ZNF141: variants seen among roughly 807,000 people sequenced by gnomAD.
ZNF141 encodes the protein zinc finger protein 141 (clone pHZ-44).
A neutral mutation model predicts 11.3 loss-of-function variants in ZNF141; 7 were observed. The ratio of observed to expected loss-of-function variants is 0.62; its 90% CI spans 0.35 to 1.16. The LOEUF is 1.16. ZNF141 is among the 50% of genes most tolerant of loss of function. The pLI, the probability that ZNF141 is intolerant of heterozygous loss-of-function variation, is 0.02. For synonymous variants in ZNF141, 183 were observed against 190.7 expected (o/e 0.96, Z 0.33); for missense variants, 535 against 554.0 (o/e 0.97, Z 0.34).
At chr4:372,022 C>G (rs1712090376) in intron 3 of ZNF141, among the ~76,000 whole-genome samples, 1 of 152,200 alleles carries the variant, frequency 6.6e-6, no homozygotes, top group East Asian at 1.9e-4. Context: ...ACCTCTCATA[C>G]ATGTTCTAAG....
rs1242492312 is a variant in ZNF141 at position 378,727 on chromosome 4, T to C, written c.*4865T>C. ...GTTTTAGTGGATGCATTTCATGGGC[T>C]ACAGTTTTCATTTTTACTCACCTAA... On this transcript the variant is annotated 3_prime_UTR_variant, in exon 4 of 4. Transcript: ENST00000240499. Among the ~76,000 whole-genome samples the C allele has an allele frequency of 6.6e-6, 1 of 152,080 alleles. No homozygotes were observed. Among genetic ancestry groups the C allele is most frequent in the East Asian group, 1.9e-4 (1 of 5,200 alleles).
intron 1 of ZNF141, 100 bp from the exon 2 acceptor site, chr4:343,682 G>A (rs1316810225): frequency 1.4e-5 from 18 of 1,285,728 alleles, no homozygotes; most frequent in East Asian, 3.0e-5. Flanking sequence ...CCGAGACTGC[G>A]CCGCTGCACT....
intron 3 of ZNF141, chr4:358,183 C>CTTTTT (rs575102486): frequency 1.3e-4 from 38 of 301,850 alleles, no homozygotes; most frequent in East Asian, 2.6e-4. Context: ...GTTTCTCGTT[C>CTTTTT]TTTTTTTTTT....
chr4:367,709 G>T (rs1174619013), intron 3 of ZNF141, among the ~76,000 whole-genome samples: 1 of 151,866 alleles, frequency 6.6e-6, no homozygotes, highest in Non-Finnish European at 1.5e-5. Context: ...TAGAGACGGG[G>T]TTTCACCATA....
Position 349,267 on chromosome 4 carries a change from C to CA in ZNF141, c.226+4850dup, listed in dbSNP as rs549319235. On this transcript the variant is annotated intron_variant, in intron 3 of 3. Transcript: ENST00000240499. ...TGGGCAATAGAGTGAGGCCCTGTCT[C>CA]AAAAAAAAAAAAATCCCAACAAGCA... 7.7e-3 allele frequency among the ~76,000 whole-genome samples: 1,043 copies of CA among 134,596 alleles called. 6 individuals are homozygous for CA. The highest frequency in any genetic ancestry group is 0.021 in the African/African-American group (772 of 36,700). 88.3% of individuals were successfully genotyped at this position (134,596 alleles called of 152,430 possible). A position where few individuals can be genotyped will look rare whatever the true frequency, so the allele number is the denominator to read the frequency against.
intron 3 of ZNF141, chr4:350,390 G>A (rs900331923): frequency 4.2e-5 from 14 of 337,164 alleles, no homozygotes; most frequent in South Asian, 9.1e-5. Context: ...CTTTGTTAGC[G>A]TCTTATTTCA....
At position 373,354 on chromosome 4, in the gene ZNF141, C is replaced by G; in HGVS notation, c.917C>G (p.Thr306Ser). The change falls in exon 4 of 4, where the codon ACT becomes AGT. Residue 306 changes from threonine to serine, a missense_variant. Coordinates refer to ENST00000240499, the MANE Select transcript of ZNF141 (RefSeq NM_003441.4). ...SNFAKHKRIH[T>S]GEKPYKCEEC... ...TTTGCCAAACATAAGCGAATTCATA[C>G]TGGAGAGAAACCCTACAAATGTGAA... The G allele has an allele frequency of 6.2e-7, 1 of 1,613,978 alleles. No individual in the cohort carries two copies. The highest frequency in any genetic ancestry group is 8.5e-7 in the Non-Finnish European group (1 of 1,179,928).
rs1186665887 is a variant in ZNF141, at chr4:375,493, A to G, written c.*1631A>G. Among the ~76,000 whole-genome samples, 2 of 152,112 alleles carry G rather than the reference A, an allele frequency of 1.3e-5. No individual in the cohort carries two copies. Among genetic ancestry groups the G allele is most frequent in the African/African-American group, 4.8e-5 (2 of 41,454 alleles). On this transcript the variant is annotated 3_prime_UTR_variant, in exon 4 of 4. Coordinates refer to ENST00000240499, the MANE Select transcript of ZNF141 (RefSeq NM_003441.4). ...AAATGTGAAGAAATATTTAGTCTAA[A>G]AAGAAGAGTATGTAAACATCAGAGG...
At chr4:353,384 A>AAAAT (rs1721695542) in intron 3 of ZNF141, among the ~76,000 whole-genome samples, 1 of 151,786 alleles carries the variant, frequency 6.6e-6, no homozygotes, top group Non-Finnish European at 1.5e-5. Context: ...AAAAAAAAAA[A>AAAAT]AAATCACAGC....
At position 337,849 on chromosome 4, in the gene ZNF141, G is replaced by A. The variant is rs1481259717; in HGVS notation, c.-135G>A. On this transcript the variant is annotated 5_prime_UTR_variant, in exon 1 of 4. Transcript: ENST00000240499. ...CTGGCTACTACCAGACCGCGGGTTA[G>A]GGGCTTCATCTCTCTGCGTTCTCAG... 2 of 1,222,208 alleles carry A rather than the reference G, an allele frequency of 1.6e-6. No individual in the cohort carries two copies. The highest frequency in any genetic ancestry group is 1.5e-5 in the African/African-American group (1 of 65,730). 75.7% of individuals were successfully genotyped at this position (1,222,208 alleles called of 1,614,324 possible). A position where few individuals can be genotyped will look rare whatever the true frequency, so the allele number is the denominator to read the frequency against.
At chr4:344,307 T>C in intron 2 of ZNF141, 28 bp from the exon 3 acceptor site, 2 of 1,578,816 alleles carry the variant, frequency 1.3e-6, no homozygotes, top group Non-Finnish European at 1.7e-6. Flanking sequence ...TCAATAGTCA[T>C]GTTATTATTT....
chr4:358,129 A>G, intron 3 of ZNF141: 1 of 320,108 alleles, frequency 3.1e-6, no homozygotes, highest in South Asian at 2.3e-5. Context: ...TAAATTTTTT[A>G]GTTCTATTGT....
intron 3 of ZNF141, among the ~76,000 whole-genome samples, chr4:348,071 C>T (rs1291796550): frequency 1.3e-5 from 2 of 152,024 alleles, no homozygotes; most frequent in African/African-American, 4.8e-5. Flanking sequence ...GTCTCGATCT[C>T]CTGATCTCAT....
chr4:339,314 A>G (rs1720940295), intron 1 of ZNF141, among the ~76,000 whole-genome samples: 1 of 152,210 alleles, frequency 6.6e-6, no homozygotes, highest in South Asian at 2.1e-4. Flanking sequence ...TGGGCTCAGG[A>G]ATCAGTTAGA....
intron 3 of ZNF141, among the ~76,000 whole-genome samples, chr4:365,142 C>G (rs187375011): frequency 6.6e-6 from 1 of 152,144 alleles, no homozygotes; most frequent in African/African-American, 2.4e-5. Flanking sequence ...GCAAGCCAGG[C>G]GTGGGATATA....
rs550064946 is a variant in ZNF141, at chr4:366,524, G to A, written c.227-6140G>A. On this transcript the variant is annotated intron_variant, in intron 3 of 3. Coordinates refer to ENST00000240499, the MANE Select transcript of ZNF141 (RefSeq NM_003441.4). ...TCACCATGTTGGTCAGGCTGCTCTC[G>A]AACTACTGACCTCGTGATCTGCCCA... is the stretch of plus-strand genomic sequence containing the variant. Among the ~76,000 whole-genome samples the A allele has an allele frequency of 2.2e-4, 34 of 152,216 alleles. No individual in the cohort carries two copies. The East Asian group carries it at 3.5e-3, about 16-fold the overall frequency.
intron 3 of ZNF141, among the ~76,000 whole-genome samples, chr4:352,435 A>C (rs1010588452): frequency 6.6e-6 from 1 of 152,104 alleles, no homozygotes; most frequent in African/African-American, 2.4e-5. Flanking sequence ...GGAGAATGGC[A>C]AAATCAGATT....
chr4:341,422 A>G (rs1214536607), intron 1 of ZNF141, among the ~76,000 whole-genome samples: 1 of 152,186 alleles, frequency 6.6e-6, no homozygotes, highest in Non-Finnish European at 1.5e-5. Context: ...AGAAGTTGTT[A>G]TTATTTGTAT....
In ZNF141 at chr4:380,244, C is replaced by G. The variant is rs1202799486; in HGVS notation, c.*6382C>G. ...ACATTCATTTCTTGGTTGAAAAACT[C>G]ACGTGATGAGAAGATATTTCTGTAT... On this transcript the variant is annotated 3_prime_UTR_variant, in exon 4 of 4. Transcript: ENST00000240499. Among the ~76,000 whole-genome samples, 1 of 152,180 alleles carries G rather than the reference C, an allele frequency of 6.6e-6. No individual in the cohort carries two copies. The highest frequency in any genetic ancestry group is 2.4e-5 in the African/African-American group (1 of 41,438).
Sources: gnomAD v4.1 joint callset for allele counts (sites outside exome capture counted in the v4.1 genomes callset) on GRCh38, gnomAD v4.1.1 for gene constraint, MANE v1.5 for transcripts, NCBI Gene and HGNC (gene_info 2026-07-23, HGNC 2026-07-21) for gene names.